The following BANP variants were observed in gnomAD, a reference collection of about 807,000 sequenced individuals.
BANP encodes the protein protein BANP.
BANP carries 11 observed loss-of-function variants against 68.1 expected under a neutral mutation model. The ratio of observed to expected loss-of-function variants is 0.16; its 90% CI spans 0.10 to 0.27. The LOEUF is 0.27. Among genes scored for constraint, BANP ranks in the 10% least tolerant of loss-of-function variants. The pLI is 1.00. For missense variants in BANP, 504 were observed against 722.7 expected (o/e 0.70, Z 3.47); for synonymous variants, 329 against 303.2 (o/e 1.09, Z -0.88).
In BANP at chr16:87,984,234, A is replaced by T. The variant is rs1307350004; in HGVS notation, c.337A>T (p.Thr113Ser). ...GGTGGCCGGCTCCCCTCTCGGGGCA[A>T]CCCAGACGTGCAACAAAGTGCGATG... The part of the protein sequence containing the change: ...PMVAGSPLGA[T>S]QTCNKVRCVV... The change falls in exon 4 of 14, where the codon ACC (threonine) becomes TCC (serine). Residue 113 changes from threonine (T) to serine (S), a missense_variant. Physicochemically the swap from Thr to Ser is moderately conservative, Grantham distance 58 (BLOSUM62 1). Coordinates refer to ENST00000682872, the MANE Select transcript of BANP (RefSeq NM_001386991.1). The T allele has an allele frequency of 6.2e-7, 1 of 1,600,518 alleles. No homozygotes were observed. The highest frequency in any genetic ancestry group is 8.5e-7 in the Non-Finnish European group (1 of 1,172,698).
At position 87,984,232 on chromosome 16, in the gene BANP, C is replaced by A; in HGVS notation, c.335C>A (p.Ala112Glu). The A allele has an allele frequency of 1.2e-6, 2 of 1,601,290 alleles. No homozygotes were observed. The highest frequency in any genetic ancestry group is 1.7e-6 in the Non-Finnish European group (2 of 1,173,146). ...ATGGTGGCCGGCTCCCCTCTCGGGG[C>A]AACCCAGACGTGCAACAAAGTGCGA... ...VPMVAGSPLGATQTCNKVRCV... is the reference protein window; with the variant it reads ...VPMVAGSPLGETQTCNKVRCV... Residue 112 changes from alanine to glutamate, a missense_variant, in exon 4 of 14, where the codon GCA becomes GAA. Physicochemically the swap from Ala to Glu is moderately radical, Grantham distance 107. Transcript: ENST00000682872.
chr16:88,016,190 G>T (rs1273105933), intron 6 of BANP, among the ~76,000 whole-genome samples: 3 of 152,256 alleles, frequency 2.0e-5, no homozygotes, highest in Non-Finnish European at 4.4e-5. Flanking sequence ...ATGGTTTAAG[G>T]TCAGCACAAG....
intron 11 of BANP, among the ~76,000 whole-genome samples, chr16:88,054,586 A>ACAGCACCAGCACCAGCAC (rs377637408): frequency 6.6e-6 from 1 of 152,172 alleles, no homozygotes; most frequent in African/African-American, 2.4e-5. Context: ...ACAGCCATCA[A>ACAGCACCAGCACCAGCAC]CAGCACCAGC....
chr16:88,037,940 C>T lies in BANP; in HGVS notation c.1273-33C>T, dbSNP rs375732500. ...CTGAGGGTGTCTTGGTGTGTTTCTA[C>T]TCATGACCGTCTCCTCCTCTCGTTC... On this transcript the variant is annotated intron_variant, in intron 10 of 13. Coordinates refer to ENST00000682872, the MANE Select transcript of BANP (RefSeq NM_001386991.1). 8.1e-6 allele frequency: 13 copies of T among 1,609,268 alleles called. No homozygotes were observed. In the African/African-American group the frequency reaches 1.5e-4, roughly 18 times the overall value.
intron 11 of BANP, among the ~76,000 whole-genome samples, chr16:88,042,663 TCC>T (rs141460978): frequency 0.014 from 2,165 of 152,302 alleles, 56 homozygotes; most frequent in African/African-American, 0.05. Context: ...ACACCTGTAA[TCC>T]CAGTACTTTG....
chr16:87,951,125 G>C (rs532881233), upstream of BANP, among the ~76,000 whole-genome samples: 1 of 152,248 alleles, frequency 6.6e-6, no homozygotes, highest in Non-Finnish European at 1.5e-5. Flanking sequence ...AGGTGTAGTA[G>C]TTGAGGGAGC....
intron 11 of BANP, among the ~76,000 whole-genome samples, chr16:88,053,567 T>C (rs1265283885): frequency 2.5e-5 from 3 of 121,330 alleles, no homozygotes; most frequent in Non-Finnish European, 3.4e-5. Flanking sequence ...ACCTCCACCA[T>C]CATCTCCATC....
rs1567921082 is a variant in BANP at position 88,064,564 on chromosome 16, G to A, written c.1312-703G>A. Among the ~76,000 whole-genome samples, 1 of 152,256 alleles carries A rather than the reference G, an allele frequency of 6.6e-6. No individual in the cohort carries two copies. The highest frequency in any genetic ancestry group is 1.5e-5 in the Non-Finnish European group (1 of 68,048). ...ATCGGGTTGGCTGAGGGTTTGCCGA[G>A]GAGAGGGCATCGCCAGGCTGGGCGC... is the stretch of plus-strand genomic sequence containing the variant. On this transcript the variant is annotated intron_variant, in intron 11 of 13. Coordinates refer to ENST00000682872, the MANE Select transcript of BANP (RefSeq NM_001386991.1). This position sits in a 1 kb window ranked among gnomAD's most constrained non-coding sequence, Gnocchi z 4.5.
intron 1 of BANP, among the ~76,000 whole-genome samples, chr16:87,955,043 G>A (rs75239502): frequency 1.3e-5 from 2 of 152,226 alleles, no homozygotes; most frequent in Admixed American, 6.5e-5. Context: ...GGCAAGGCCC[G>A]GCAGACCCGT....
intron 1 of BANP, among the ~76,000 whole-genome samples, chr16:87,961,508 G>A (rs961617055): frequency 1.3e-5 from 2 of 149,996 alleles, no homozygotes; most frequent in Admixed American, 6.8e-5. Flanking sequence ...ACAACATATC[G>A]GAGCAGACCA....
rs113854716 is a variant in BANP, at chr16:88,063,187, C to T, written c.1312-2080C>T. Among the ~76,000 whole-genome samples the T allele has an allele frequency of 3.5e-3, 540 of 152,380 alleles. 3 individuals carry two copies. Among genetic ancestry groups the T allele is most frequent in the African/African-American group, 0.012 (482 of 41,598 alleles). ...AGAGCACGCTGTGCCTTCATTTCTG[C>T]GTGTTTCACGGCGTTGCCCTTGTGG... On this transcript the variant is annotated intron_variant, in intron 11 of 13. Transcript: ENST00000682872.
At chr16:88,020,362 G>A (rs1290154922) in intron 7 of BANP, among the ~76,000 whole-genome samples, 1 of 152,248 alleles carries the variant, frequency 6.6e-6, no homozygotes, top group African/African-American at 2.4e-5. Context: ...GGCGTGGCCA[G>A]GAGCACACAT....
intron 4 of BANP, among the ~76,000 whole-genome samples, chr16:87,994,523 A>T (rs1422753428): frequency 6.6e-6 from 1 of 152,208 alleles, no homozygotes; most frequent in South Asian, 2.1e-4. Context: ...TGCAGTGGTT[A>T]TTTGGAGGGT....
upstream of BANP, among the ~76,000 whole-genome samples, chr16:87,950,034 C>G (rs1416159597): frequency 6.6e-6 from 1 of 152,010 alleles, no homozygotes; most frequent in East Asian, 1.9e-4. Flanking sequence ...CCTGCCACCG[C>G]GCCGGGCTAA....
At chr16:88,053,788 A>C (rs1166836335) in intron 11 of BANP, among the ~76,000 whole-genome samples, 1 of 150,118 alleles carries the variant, frequency 6.7e-6, no homozygotes, top group Non-Finnish European at 1.5e-5. Flanking sequence ...CCTAACAACC[A>C]CTACCACCAC....
chr16:87,992,341 A>G (rs1399002750), intron 4 of BANP, among the ~76,000 whole-genome samples: 3 of 152,156 alleles, frequency 2.0e-5, no homozygotes, highest in Admixed American at 2.0e-4. Flanking sequence ...TCTTTTTGTT[A>G]TCAGGATAAT....
chr16:88,023,713 C>T (rs1052127869), intron 7 of BANP, among the ~76,000 whole-genome samples: 15 of 152,168 alleles, frequency 9.9e-5, no homozygotes, highest in Middle Eastern at 3.2e-3. Context: ...AGCTGGGAAT[C>T]GGCTTATGAT....
At chr16:87,999,182 C>A (rs1178587947) in intron 4 of BANP, among the ~76,000 whole-genome samples, 198 of 84,356 alleles carry the variant, frequency 2.3e-3, no homozygotes, top group South Asian at 7.4e-3. Context: ...ATCTCCATGC[C>A]CGCACGTGCG....
intron 4 of BANP, among the ~76,000 whole-genome samples, chr16:87,996,635 C>G (rs561018706): frequency 7.0e-6 from 1 of 143,628 alleles, no homozygotes; most frequent in South Asian, 2.3e-4. Context: ...GCTGGGCCCT[C>G]GTCCTGGGCG....
Sources: gnomAD v4.1 joint callset for allele counts (sites outside exome capture counted in the v4.1 genomes callset) on GRCh38, gnomAD v4.1.1 for gene constraint, Gnocchi (gnomAD v3.1) non-coding constraint, MANE v1.5 for transcripts, NCBI Gene and HGNC (gene_info 2026-07-23, HGNC 2026-07-21) for gene names.